The following PAK5 variants were observed in gnomAD, a reference collection of about 807,000 sequenced individuals.
PAK5 encodes serine/threonine-protein kinase PAK 5.
In PAK5, 16 loss-of-function variants were observed where a neutral mutation model predicts 65.9. The observed-to-expected ratio is 0.24, with a 90% confidence interval of 0.16 to 0.37. PAK5 has a LOEUF of 0.37. PAK5 is among the 10% of genes least tolerant of loss of function. PAK5 has a pLI of 1.00. For missense variants in PAK5, 785 were observed against 903.9 expected (o/e 0.87, Z 1.69); for synonymous variants, 371 against 354.9 (o/e 1.05, Z -0.51).
chr20:9,648,313 C>G (rs574291580), intron 2 of PAK5, among the ~76,000 whole-genome samples: 1 of 152,156 alleles, frequency 6.6e-6, no homozygotes, highest in Non-Finnish European at 1.5e-5. Context: ...GTTAATTCCC[C>G]CAGGACTGAT....
chr20:9,741,467 A>G (rs1157569623), intron 1 of PAK5, among the ~76,000 whole-genome samples: 1 of 152,156 alleles, frequency 6.6e-6, no homozygotes, highest in Non-Finnish European at 1.5e-5. Context: ...TTTCGGAGGA[A>G]TGAGCTCAAT....
At chr20:9,809,432 A>G (rs910660686) in intron 1 of PAK5, among the ~76,000 whole-genome samples, 15 of 151,952 alleles carry the variant, frequency 9.9e-5, no homozygotes, top group African/African-American at 3.6e-4. Context: ...AGGAGAAAAC[A>G]AGAACATACC....
At chr20:9,665,352 A>G (rs2047402984) in intron 2 of PAK5, among the ~76,000 whole-genome samples, 1 of 152,074 alleles carries the variant, frequency 6.6e-6, no homozygotes, top group Admixed American at 6.6e-5. Flanking sequence ...CTGGGCCCAC[A>G]AATCCATTCC....
intron 1 of PAK5, among the ~76,000 whole-genome samples, chr20:9,742,681 T>A (rs192674623): frequency 6.6e-6 from 1 of 152,158 alleles, no homozygotes; most frequent in Non-Finnish European, 1.5e-5. Context: ...CTAAAAAAAA[T>A]TGGTTATCTG....
intron 2 of PAK5, among the ~76,000 whole-genome samples, chr20:9,673,462 G>C (rs994977283): frequency 3.3e-5 from 5 of 152,158 alleles, no homozygotes; most frequent in African/African-American, 1.2e-4. Flanking sequence ...TGAGACTGCA[G>C]AGTTAATTTT....
At chr20:9,701,983 G>C (rs2047945295) in intron 2 of PAK5, among the ~76,000 whole-genome samples, 1 of 152,086 alleles carries the variant, frequency 6.6e-6, no homozygotes, top group Non-Finnish European at 1.5e-5. Context: ...CTGCACAACA[G>C]AGAGACCCTG....
At chr20:9,649,069 C>A (rs921630544) in intron 2 of PAK5, among the ~76,000 whole-genome samples, 1 of 152,124 alleles carries the variant, frequency 6.6e-6, no homozygotes, top group African/African-American at 2.4e-5. Context: ...TGTTTCAGTA[C>A]AGAAAGTTAC....
chr20:9,804,094 A>C (rs2123741682), intron 1 of PAK5, among the ~76,000 whole-genome samples: 1 of 152,268 alleles, frequency 6.6e-6, no homozygotes, highest in East Asian at 1.9e-4. Flanking sequence ...ATTACCTGAG[A>C]ACTTGTTAGA....
At chr20:9,546,437 T>C (rs2045346014) in intron 7 of PAK5, among the ~76,000 whole-genome samples, 1 of 152,156 alleles carries the variant, frequency 6.6e-6, no homozygotes, top group South Asian at 2.1e-4. Flanking sequence ...ATGTGATGAG[T>C]TTTGACCTCC....
chr20:9,765,095 G>A (rs2123658264), intron 1 of PAK5, among the ~76,000 whole-genome samples: 1 of 152,266 alleles, frequency 6.6e-6, no homozygotes, highest in South Asian at 2.1e-4. Flanking sequence ...ACTGAGTATT[G>A]AAATAATGAG....
intron 1 of PAK5, among the ~76,000 whole-genome samples, chr20:9,723,234 G>A (rs948675978): frequency 3.9e-5 from 6 of 152,164 alleles, no homozygotes; most frequent in African/African-American, 9.7e-5. Context: ...GAATGGCAGC[G>A]GGTTTGCACA....
chr20:9,564,753 A>G (rs1321260676), intron 5 of PAK5, among the ~76,000 whole-genome samples: 1 of 152,212 alleles, frequency 6.6e-6, no homozygotes, highest in East Asian at 1.9e-4. Context: ...GCAAAATAAT[A>G]AAAGTGACAA....
intron 1 of PAK5, among the ~76,000 whole-genome samples, chr20:9,726,942 T>C (rs539719053): frequency 4.6e-5 from 7 of 152,316 alleles, no homozygotes; most frequent in African/African-American, 1.4e-4. Flanking sequence ...GTGGAAGTTA[T>C]GAGTTTGGAA....
intron 1 of PAK5, among the ~76,000 whole-genome samples, chr20:9,773,845 G>A (rs1211549798): frequency 1.3e-5 from 2 of 152,208 alleles, no homozygotes; most frequent in Admixed American, 6.5e-5. Flanking sequence ...GTGAGTCTAA[G>A]GTAAAGTACT....
At chr20:9,578,789 T>C (rs1257749800) in intron 4 of PAK5, among the ~76,000 whole-genome samples, 1 of 152,068 alleles carries the variant, frequency 6.6e-6, no homozygotes, top group East Asian at 1.9e-4. Context: ...TTTCCAACAG[T>C]CACCCTGGCA....
chr20:9,571,677 C>T (rs190948623), intron 4 of PAK5, among the ~76,000 whole-genome samples: 3 of 152,114 alleles, frequency 2.0e-5, no homozygotes, highest in East Asian at 1.9e-4. Flanking sequence ...TATTCTTGCA[C>T]GTAAACCTCA....
intron 9 of PAK5, among the ~76,000 whole-genome samples, chr20:9,540,274 T>A (rs561754274): frequency 6.6e-6 from 1 of 152,136 alleles, no homozygotes; most frequent in African/African-American, 2.4e-5. Context: ...TGTGGCTCAA[T>A]GGATTTTTAC....
intron 1 of PAK5, among the ~76,000 whole-genome samples, chr20:9,813,062 T>C (rs533754866): frequency 6.6e-6 from 1 of 152,162 alleles, no homozygotes; most frequent in South Asian, 2.1e-4. Flanking sequence ...TGAAAAGAAA[T>C]AAACTATTGA....
intron 1 of PAK5, among the ~76,000 whole-genome samples, chr20:9,725,717 A>G (rs1049328824): frequency 2.6e-5 from 4 of 152,200 alleles, no homozygotes; most frequent in African/African-American, 9.6e-5. Context: ...AACTCGTCGT[A>G]GTCAGAACAA....
Sources: gnomAD v4.1 joint callset for allele counts (sites outside exome capture counted in the v4.1 genomes callset) on GRCh38, gnomAD v4.1.1 for gene constraint, MANE v1.5 for transcripts, NCBI Gene and HGNC (gene_info 2026-07-23, HGNC 2026-07-21) for gene names.